The following FBN2 variants were observed in gnomAD, a reference collection of about 807,000 sequenced individuals.
The protein encoded by FBN2 is fibrillin 2, also known as fibrillin-2.
FBN2 carries 105 observed loss-of-function variants against 355.6 expected under a neutral mutation model. That is an observed-to-expected ratio of 0.30 (90% CI 0.25 to 0.35). The LOEUF (loss-of-function observed/expected upper bound fraction) is 0.35, where lower values mean the gene tolerates loss of function less well. Ranked by LOEUF, FBN2 falls within the 10% of genes least tolerant of loss-of-function variation. FBN2 has a pLI of 1.00. For missense variants in FBN2, 3,280 were observed against 3,758.7 expected, an observed-to-expected ratio of 0.87 and a Z score of 3.33; for synonymous variants, 1,350 against 1,301.2, an observed-to-expected ratio of 1.04 and a Z score of -0.81.
chr5:128,312,635 G>T lies in FBN2; in HGVS notation c.4878C>A (p.Ser1626Arg). The change falls in exon 37 of 65, where the codon AGC becomes AGA. Residue 1626 changes from serine (S) to arginine (R), a missense_variant and splice_region_variant. Ser to Arg is a moderately radical substitution (Grantham distance 110). Coordinates refer to ENST00000262464, the MANE Select transcript of FBN2 (RefSeq NM_001999.4). Reference protein sequence around the residue: ...NPCETCPPVNSTEYYTLCPGG... With the variant: ...NPCETCPPVNRTEYYTLCPGG... ...CCTCTTCTTCAGCTTTGTACTTACT[G>T]CTATTGACAGGGGGGCATGTCTCAC... 3 of 1,613,928 alleles carry T rather than the reference G, an allele frequency of 1.9e-6. No homozygotes were observed. Among genetic ancestry groups the T allele is most frequent in the Non-Finnish European group, 2.5e-6 (3 of 1,179,996 alleles).
rs1043836110 is a variant in FBN2, at chr5:128,515,483, G to A, written c.628+3790C>T. 1.1e-3 allele frequency among the ~76,000 whole-genome samples: 164 copies of A among 152,220 alleles called. 1 individual carries two copies. Among genetic ancestry groups the A allele is most frequent in the African/African-American group, 3.8e-3 (157 of 41,526 alleles). On this transcript the variant is annotated intron_variant, in intron 5 of 64. Coordinates refer to ENST00000262464, the MANE Select transcript of FBN2 (RefSeq NM_001999.4). The stretch of plus-strand genomic sequence containing the variant: ...ATGATGAGCAGGACTGTTTCATGAT[G>A]GGGTGAGTGAGTGAGAGCCCCTGAC...
chr5:128,494,709 TG>T (rs1325160790), intron 5 of FBN2, among the ~76,000 whole-genome samples: 2 of 152,124 alleles, frequency 1.3e-5, no homozygotes, highest in South Asian at 4.1e-4. Context: ...ACTGTGCCTC[TG>T]GGGGGCAGCA....
intron 5 of FBN2, among the ~76,000 whole-genome samples, chr5:128,498,245 T>G (rs1323329951): frequency 1.3e-5 from 2 of 152,236 alleles, no homozygotes; most frequent in African/African-American, 4.8e-5. Context: ...GGCTAGGGCT[T>G]ATGCAAAATC....
intron 15 of FBN2, among the ~76,000 whole-genome samples, chr5:128,371,509 ATCCT>A (rs55789200): frequency 0.015 from 1,583 of 102,690 alleles, 30 homozygotes; most frequent in African/African-American, 0.052. Flanking sequence ...CCCTCCCTCC[ATCCT>A]TCCTTCCTTC....
chr5:128,287,465 T>C, intron 53 of FBN2, 35 bp from the exon 54 acceptor site: 1 of 1,612,336 alleles, frequency 6.2e-7, no homozygotes, highest in East Asian at 2.2e-5. Flanking sequence ...GTGCTCAGCC[T>C]AGAGTTCTAA....
chr5:128,522,600 C>A (rs1756459280), intron 4 of FBN2, among the ~76,000 whole-genome samples: 1 of 152,144 alleles, frequency 6.6e-6, no homozygotes, highest in African/African-American at 2.4e-5. Flanking sequence ...GACAAGACGT[C>A]TGCAGCAGCC....
intron 49 of FBN2, 72 bp downstream of exon 49, chr5:128,291,457 C>T (rs1749319590): frequency 6.5e-7 from 1 of 1,542,974 alleles, no homozygotes; most frequent in South Asian, 1.1e-5. Flanking sequence ...CTAATACCAG[C>T]ATGATGGTTT....
intron 5 of FBN2, among the ~76,000 whole-genome samples, chr5:128,475,645 A>G (rs1449985300): frequency 6.6e-6 from 1 of 152,202 alleles, no homozygotes; most frequent in African/African-American, 2.4e-5. Context: ...CCTAGACAGA[A>G]ATAATGATAA....
intron 20 of FBN2, among the ~76,000 whole-genome samples, chr5:128,353,876 T>C (rs1345642804): frequency 1.3e-5 from 2 of 152,154 alleles, no homozygotes; most frequent in African/African-American, 4.8e-5. Context: ...AGCACTGTGA[T>C]TCTTTAGGCT....
chr5:128,262,502 G>C (rs577509593), intron 63 of FBN2, among the ~76,000 whole-genome samples: 2 of 152,148 alleles, frequency 1.3e-5, no homozygotes, highest in African/African-American at 2.4e-5. Flanking sequence ...TAAAAGTAAG[G>C]TATGAATTTC....
chr5:128,430,401 C>T (rs1295047532), intron 7 of FBN2, among the ~76,000 whole-genome samples: 2 of 151,954 alleles, frequency 1.3e-5, no homozygotes, highest in Admixed American at 6.6e-5. Flanking sequence ...TGGCTTACTT[C>T]CTTATGTTTT....
At chr5:128,329,955 C>G (rs959793332) in intron 33 of FBN2, among the ~76,000 whole-genome samples, 11 of 152,200 alleles carry the variant, frequency 7.2e-5, no homozygotes, top group African/African-American at 2.4e-4. Flanking sequence ...CAAACAGAAG[C>G]TATTATTTAC....
chr5:128,437,813 GATAGA>G (rs1235954804), intron 7 of FBN2, among the ~76,000 whole-genome samples: 1 of 151,564 alleles, frequency 6.6e-6, no homozygotes. Flanking sequence ...TAGATAGATA[GATAGA>G]TAGACAGACA....
chr5:128,378,709 T>G (rs1752152294), intron 12 of FBN2, 62 bp downstream of exon 12: 4 of 1,590,054 alleles, frequency 2.5e-6, no homozygotes, highest in Non-Finnish European at 2.6e-6. Context: ...ACTTTTAACC[T>G]CAACAGCCTT....
chr5:128,341,477 C>T (rs189981400), intron 25 of FBN2, among the ~76,000 whole-genome samples: 1 of 152,294 alleles, frequency 6.6e-6, no homozygotes, highest in Non-Finnish European at 1.5e-5. Context: ...TACTCCCCCT[C>T]CCCGTCAGCT....
intron 6 of FBN2, among the ~76,000 whole-genome samples, chr5:128,448,383 T>G: frequency 6.6e-6 from 1 of 152,072 alleles, no homozygotes; most frequent in Non-Finnish European, 1.5e-5. Flanking sequence ...CTTGACTCAC[T>G]GAAACCTCCA....
chr5:128,288,516 T>C lies in FBN2; in HGVS notation c.6679A>G (p.Thr2227Ala), dbSNP rs370843571. Residue 2227 changes from threonine to alanine, a missense_variant, in exon 53 of 65, where the codon ACA becomes GCA. By Grantham distance (58) the Thr-to-Ala change is moderately conservative. This residue lies in a region of FBN2 where 2,284 missense variants were observed against 2,749.5 expected (regional missense o/e 0.83). Coordinates refer to ENST00000262464, the MANE Select transcript of FBN2 (RefSeq NM_001999.4). ...AAACTCCCAATAACATTGGTGCATG[T>C]ACCATTTCCACACGGATTGCCGATT... ...CSIGNPCGNG[T>A]CTNVIGSFEC... The C allele has an allele frequency of 4.3e-6, 7 of 1,613,676 alleles. No individual in the cohort carries two copies. The South Asian group carries it at 5.5e-5, about 13-fold the overall frequency.
intron 7 of FBN2, among the ~76,000 whole-genome samples, chr5:128,410,154 T>G (rs559726049): frequency 1.3e-5 from 2 of 152,160 alleles, no homozygotes; most frequent in Non-Finnish European, 2.9e-5. Flanking sequence ...CCAAGAGAGA[T>G]CAGAATTCTA....
At chr5:128,315,815 G>C (rs2126851258) in intron 36 of FBN2, among the ~76,000 whole-genome samples, 1 of 152,304 alleles carries the variant, frequency 6.6e-6, no homozygotes, top group Middle Eastern at 3.4e-3. Flanking sequence ...TGACTAAGTG[G>C]ATGAGAATAC....
Sources: allele counts gnomAD v4.1 joint callset (sites outside exome capture counted in the v4.1 genomes callset), GRCh38; gene constraint gnomAD v4.1.1; regional missense constraint gnomAD v4.1.1; transcripts MANE v1.5; gene names NCBI Gene and HGNC (gene_info 2026-07-23, HGNC 2026-07-21).